RNF6: variants seen among roughly 807,000 people sequenced by gnomAD.
RNF6 encodes the protein ring finger protein 6.
RNF6 carries 21 observed loss-of-function variants against 50.1 expected under a neutral mutation model. That is an observed-to-expected ratio of 0.42 (90% CI 0.30 to 0.60). The LOEUF (loss-of-function observed/expected upper bound fraction) is 0.60, where lower values mean the gene tolerates loss of function less well. Among genes scored for constraint, RNF6 ranks in the 20% least tolerant of loss-of-function variants. The probability of loss-of-function intolerance (pLI) is 0.20; values close to 1 mark genes in which losing one functional copy is unlikely to be tolerated. For missense variants in RNF6, 698 were observed against 838.2 expected (o/e 0.83, Z 2.07); for synonymous variants, 255 against 291.8 (o/e 0.87, Z 1.29).
intron 5 of RNF6, among the ~76,000 whole-genome samples, chr13:26,170,649 T>C (rs923433165): frequency 1.3e-5 from 2 of 152,192 alleles, no homozygotes; most frequent in South Asian, 2.1e-4. Flanking sequence ...TAACCAAATG[T>C]TCCCAGTTGA....
chr13:26,136,601 G>A (rs1432538390), intron 5 of RNF6, among the ~76,000 whole-genome samples: 4 of 152,136 alleles, frequency 2.6e-5, no homozygotes, highest in Admixed American at 6.5e-5. Flanking sequence ...AATCGTTCAC[G>A]GAAGTTTATT....
chr13:26,171,640 C>A (rs2137634210), intron 5 of RNF6, among the ~76,000 whole-genome samples: 1 of 152,220 alleles, frequency 6.6e-6, no homozygotes, highest in South Asian at 2.1e-4. Flanking sequence ...GAGTTAGAAG[C>A]AATCTGAATG....
intron 5 of RNF6, among the ~76,000 whole-genome samples, chr13:26,136,815 A>T (rs927573980): frequency 1.9e-4 from 29 of 152,150 alleles, no homozygotes; most frequent in African/African-American, 6.8e-4. Context: ...TTTCCTCTAT[A>T]AAAAACACAA....
chr13:26,206,903 G>T (rs1303763916), intron 5 of RNF6, among the ~76,000 whole-genome samples: 1 of 145,778 alleles, frequency 6.9e-6, no homozygotes, highest in Admixed American at 7.2e-5. Flanking sequence ...CCCTTCATGG[G>T]CCCCTTCCTC....
chr13:26,150,153 A>G (rs1197667722), intron 5 of RNF6, among the ~76,000 whole-genome samples: 1 of 151,392 alleles, frequency 6.6e-6, no homozygotes, highest in African/African-American at 2.4e-5. Flanking sequence ...AGCATATTAC[A>G]TGTTATTTGT....
downstream of RNF6, among the ~76,000 whole-genome samples, chr13:26,207,984 A>C (rs1161306209): frequency 6.6e-6 from 1 of 152,240 alleles, no homozygotes; most frequent in African/African-American, 2.4e-5. Context: ...TCCAGTCCAA[A>C]TATGCTGAAT....
intron 5 of RNF6, among the ~76,000 whole-genome samples, chr13:26,156,774 A>C (rs1871946727): frequency 6.6e-6 from 1 of 152,238 alleles, no homozygotes; most frequent in Admixed American, 6.5e-5. Flanking sequence ...CTTAGATAAA[A>C]TAAGAAATCA....
chr13:26,142,136 A>T (rs1870989106), intron 5 of RNF6, among the ~76,000 whole-genome samples: 1 of 152,310 alleles, frequency 6.6e-6, no homozygotes. Context: ...AATACTCAAC[A>T]TCACTAATGA....
intron 5 of RNF6, among the ~76,000 whole-genome samples, chr13:26,203,989 T>C (rs1158176175): frequency 6.6e-6 from 1 of 151,914 alleles, no homozygotes; most frequent in Admixed American, 6.6e-5. Context: ...TGCAATGCAG[T>C]CTGAGGCTTT....
downstream of RNF6, among the ~76,000 whole-genome samples, chr13:26,211,449 G>A (rs905936530): frequency 1.3e-5 from 2 of 152,054 alleles, no homozygotes; most frequent in Non-Finnish European, 2.9e-5. Flanking sequence ...AGAACTTCCT[G>A]AGGAATATCC....
chr13:26,181,368 C>G (rs1358797649), intron 5 of RNF6, among the ~76,000 whole-genome samples: 1 of 152,212 alleles, frequency 6.6e-6, no homozygotes, highest in African/African-American at 2.4e-5. Context: ...AGGCGTCTGT[C>G]TTGTCCTTGA....
intron 5 of RNF6, among the ~76,000 whole-genome samples, chr13:26,183,933 T>A (rs1269027798): frequency 6.9e-6 from 1 of 145,826 alleles, no homozygotes; most frequent in Admixed American, 6.9e-5. Context: ...TTTATTTTTT[T>A]ATAATTATTC....
Position 26,215,571 on chromosome 13 carries a change from C to G in RNF6, c.311G>C (p.Ser104Thr). The change falls in exon 5 of 5, where the codon AGT (serine) becomes ACT (threonine). Residue 104 changes from serine (S) to threonine (T), a missense_variant. Physicochemically the swap from Ser to Thr is moderately conservative, Grantham distance 58 (BLOSUM62 1). Transcript: ENST00000381588. Reference sequence around the variant, plus strand: ...TTCTAGAAGAGAATCTTCATGTGAACTTTCTCTAGGGACTTCTGAGTCTAG... The same window carrying G: ...TTCTAGAAGAGAATCTTCATGTGAAGTTTCTCTAGGGACTTCTGAGTCTAG... ...NYRDSEVPRESSHEDSLLEWL... is the reference protein window; with the variant it reads ...NYRDSEVPRETSHEDSLLEWL... The G allele has an allele frequency of 6.2e-7, 1 of 1,605,836 alleles. No homozygotes were observed. The highest frequency in any genetic ancestry group is 8.5e-7 in the Non-Finnish European group (1 of 1,179,388).
chr13:26,176,876 G>A (rs987455199), intron 5 of RNF6, among the ~76,000 whole-genome samples: 4 of 152,248 alleles, frequency 2.6e-5, no homozygotes. Flanking sequence ...AGTGGTTGCA[G>A]TGAGCCGAGG....
intron 5 of RNF6, among the ~76,000 whole-genome samples, chr13:26,180,107 G>A (rs1873165099): frequency 1.3e-5 from 2 of 152,286 alleles, no homozygotes; most frequent in South Asian, 4.1e-4. Flanking sequence ...AGATAATCAA[G>A]GGCTATATCC....
At chr13:26,173,518 C>T (rs992207746) in intron 5 of RNF6, among the ~76,000 whole-genome samples, 2 of 152,008 alleles carry the variant, frequency 1.3e-5, no homozygotes, top group Non-Finnish European at 2.9e-5. Context: ...CCTACAATTT[C>T]ATATTTTGCT....
intron 5 of RNF6, among the ~76,000 whole-genome samples, chr13:26,167,965 T>C (rs1234125847): frequency 6.6e-6 from 1 of 152,138 alleles, no homozygotes; most frequent in Non-Finnish European, 1.5e-5. Flanking sequence ...AAATACCACA[T>C]GTTCTCACCC....
chr13:26,162,197 C>A (rs1241457896), intron 5 of RNF6, among the ~76,000 whole-genome samples: 2 of 152,002 alleles, frequency 1.3e-5, no homozygotes, highest in African/African-American at 2.4e-5. Flanking sequence ...GGCTTGTGCA[C>A]CCCAGGAAGG....
chr13:26,153,287 C>T (rs373396692), intron 5 of RNF6, among the ~76,000 whole-genome samples: 118 of 152,022 alleles, frequency 7.8e-4, no homozygotes, highest in Middle Eastern at 3.4e-3. Flanking sequence ...AATCTCAGCT[C>T]ACTATAACCT....
Sources: allele counts gnomAD v4.1 joint callset (sites outside exome capture counted in the v4.1 genomes callset), GRCh38; gene constraint gnomAD v4.1.1; transcripts MANE v1.5; gene names NCBI Gene and HGNC (gene_info 2026-07-23, HGNC 2026-07-21).